SNX18: variants seen among roughly 807,000 people sequenced by gnomAD.
The protein encoded by SNX18 is sorting nexin-18.
SNX18 carries 35 observed loss-of-function variants against 48.7 expected under a neutral mutation model. That is an observed-to-expected ratio of 0.72 (90% CI 0.55 to 0.95). The LOEUF is 0.95. Ranked by LOEUF, SNX18 falls within the 40% of genes least tolerant of loss-of-function variation. SNX18 has a pLI of 0.00. For missense variants in SNX18, 824 were observed against 871.0 expected, an observed-to-expected ratio of 0.95 and a Z score of 0.68; for synonymous variants, 492 against 384.7, an observed-to-expected ratio of 1.28 and a Z score of -3.26.
At position 54,519,402 on chromosome 5, in the gene SNX18, G is replaced by T; in HGVS notation, c.1450G>T (p.Ala484Ser). 6.2e-7 allele frequency: 1 copy of T among 1,613,648 alleles called. No homozygotes were observed. The highest frequency in any genetic ancestry group is 8.5e-7 in the Non-Finnish European group (1 of 1,179,932). The part of the protein sequence containing the change: ...LSQAFELDQQ[A>S]FSVGLNQAIA... Reference sequence around the variant, plus strand: ...CCAGGCCTTTGAGCTGGACCAGCAGGCCTTCTCGGTGGGCCTGAACCAGGC... The same window carrying T: ...CCAGGCCTTTGAGCTGGACCAGCAGTCCTTCTCGGTGGGCCTGAACCAGGC... The change falls in exon 1 of 2, where the codon GCC (alanine) becomes TCC (serine). Residue 484 changes from alanine (A) to serine (S), a missense_variant. By Grantham distance (99) the Ala-to-Ser change is moderately conservative. Transcript: ENST00000381410.
chr5:54,641,249 T>C, the SNX18 span, among the ~76,000 whole-genome samples: 2 of 152,332 alleles, frequency 1.3e-5, no homozygotes, highest in Middle Eastern at 3.4e-3. Flanking sequence ...CCACTGCTGC[T>C]TCAGTATTGT....
Position 54,519,494 on chromosome 5 carries a change from C to T in SNX18, c.1542C>T (p.Asp514=). The T allele has an allele frequency of 5.0e-6, 8 of 1,614,200 alleles. No homozygotes were observed. The highest frequency in any genetic ancestry group is 2.2e-5 in the South Asian group (2 of 91,074). The change falls in exon 1 of 2, where the codon GAC becomes GAT. Residue 514 remains aspartate, a synonymous_variant. Transcript: ENST00000381410. ...GELFAEQPRQ[D]LDPVMDLLAL... is the part of the protein sequence containing the mutation. ...TCTTCGCGGAGCAGCCCAGGCAGGA[C>T]CTGGATCCCGTCATGGACCTATTAG...
rs533678252 is a variant in SNX18 at position 54,544,501 on chromosome 5, A to T, written c.*1069A>T. 8 of 152,164 alleles carry T rather than the reference A, an allele frequency of 5.3e-5. No individual in the cohort carries two copies. The highest frequency in any genetic ancestry group is 1.9e-4 in the African/African-American group (8 of 41,522). 9.4% of individuals were successfully genotyped at this position (152,164 alleles called of 1,614,324 possible). Reference sequence around the variant, plus strand: ...CTTTTCAGGGATGTCTGTAAATTTCAGTGTTAATATGTCATGAAAAGTGGT... The same window carrying T: ...CTTTTCAGGGATGTCTGTAAATTTCTGTGTTAATATGTCATGAAAAGTGGT... On this transcript the variant is annotated 3_prime_UTR_variant, in exon 2 of 2. Coordinates refer to ENST00000381410, the MANE Select transcript of SNX18 (RefSeq NM_001102575.2).
At chr5:54,528,165 C>CAT (rs1554019692) in intron 1 of SNX18, among the ~76,000 whole-genome samples, 1 of 146,432 alleles carries the variant, frequency 6.8e-6, no homozygotes, top group Admixed American at 6.9e-5. Flanking sequence ...CACACACACA[C>CAT]ATTTTCCTCA....
intron 1 of SNX18, among the ~76,000 whole-genome samples, chr5:54,531,620 C>G (rs1391916004): frequency 6.6e-6 from 1 of 152,092 alleles, no homozygotes; most frequent in Non-Finnish European, 1.5e-5. Flanking sequence ...TTTGTTCTGT[C>G]TTTAGTTGGT....
chr5:54,567,177 T>C, the SNX18 span, among the ~76,000 whole-genome samples: 1 of 152,064 alleles, frequency 6.6e-6, no homozygotes, highest in Admixed American at 6.6e-5. Context: ...TATAGCCATT[T>C]AGAGCAGAGA....
At chr5:54,531,974 C>T (rs1189288545) in intron 1 of SNX18, among the ~76,000 whole-genome samples, 1 of 152,200 alleles carries the variant, frequency 6.6e-6, no homozygotes, top group Non-Finnish European at 1.5e-5. Context: ...CTAACTCCAG[C>T]ATGAACCACA....
intron 1 of SNX18, among the ~76,000 whole-genome samples, chr5:54,540,508 T>G (rs1467897793): frequency 6.6e-6 from 1 of 152,206 alleles, no homozygotes; most frequent in African/African-American, 2.4e-5. Context: ...TAAGCCACCG[T>G]GGCAAGCCCT....
the SNX18 span, among the ~76,000 whole-genome samples, chr5:54,556,984 A>T: frequency 6.6e-6 from 1 of 152,210 alleles, no homozygotes; most frequent in African/African-American, 2.4e-5. Context: ...AGCATTTTTC[A>T]TCTGCTTTAT....
the SNX18 span, among the ~76,000 whole-genome samples, chr5:54,609,893 A>G: frequency 6.6e-6 from 1 of 152,064 alleles, no homozygotes; most frequent in Non-Finnish European, 1.5e-5. Flanking sequence ...TGAATGGTTT[A>G]GCATCATCTG....
the SNX18 span, among the ~76,000 whole-genome samples, chr5:54,588,406 C>T: frequency 7.0e-6 from 1 of 142,994 alleles, no homozygotes; most frequent in African/African-American, 2.6e-5. Flanking sequence ...CAGCTCACTG[C>T]AAGCTCTGCC....
chr5:54,629,209 C>T, the SNX18 span, among the ~76,000 whole-genome samples: 1 of 152,142 alleles, frequency 6.6e-6, no homozygotes, highest in African/African-American at 2.4e-5. Context: ...ATATCTTGCA[C>T]CTCAGTGTCC....
chr5:54,587,005 T>C, the SNX18 span, among the ~76,000 whole-genome samples: 1 of 150,292 alleles, frequency 6.7e-6, no homozygotes, highest in East Asian at 1.9e-4. Flanking sequence ...TTTTTTTTCC[T>C]GAGCAGCCCC....
the SNX18 span, among the ~76,000 whole-genome samples, chr5:54,627,442 A>T: frequency 2.6e-5 from 4 of 152,154 alleles, no homozygotes; most frequent in South Asian, 8.3e-4. Context: ...TTGTTTATTC[A>T]CGTATTTAAT....
At chr5:54,543,039 G>C in intron 1 of SNX18, 140 bp from the exon 2 acceptor site, 2 of 756,688 alleles carry the variant, frequency 2.6e-6, no homozygotes, top group Non-Finnish European at 4.1e-6. Flanking sequence ...AGTAATTATG[G>C]TCCTCACTTT....
the SNX18 span, among the ~76,000 whole-genome samples, chr5:54,562,705 A>G: frequency 1.4e-4 from 21 of 152,188 alleles, no homozygotes; most frequent in Non-Finnish European, 2.4e-4. Flanking sequence ...CGGTTTATGT[A>G]TTTACTGTAC....
At chr5:54,608,843 T>C in the SNX18 span, among the ~76,000 whole-genome samples, 1 of 152,182 alleles carries the variant, frequency 6.6e-6, no homozygotes, top group Non-Finnish European at 1.5e-5. Context: ...TTGGTGTCTC[T>C]CCCTGCCCTC....
At chr5:54,527,355 A>G (rs1762150309) in intron 1 of SNX18, among the ~76,000 whole-genome samples, 1 of 118,842 alleles carries the variant, frequency 8.4e-6, no homozygotes, top group Admixed American at 8.9e-5. Flanking sequence ...GTGGTCGGGG[A>G]GCCGGGGGGG....
At chr5:54,531,902 A>G (rs1256483746) in intron 1 of SNX18, among the ~76,000 whole-genome samples, 3 of 152,336 alleles carry the variant, frequency 2.0e-5, no homozygotes, top group South Asian at 2.1e-4. Context: ...GGAGTTTACA[A>G]TTTCAGACAA....
Sources: gnomAD v4.1 joint callset for allele counts (sites outside exome capture counted in the v4.1 genomes callset) on GRCh38, gnomAD v4.1.1 for gene constraint, MANE v1.5 for transcripts, NCBI Gene and HGNC (gene_info 2026-07-23, HGNC 2026-07-21) for gene names.